Variants in BMP7 observed in about 807,000 individuals in gnomAD.
The protein encoded by BMP7 is bone morphogenetic protein 7, also known as osteogenic protein 1.
A neutral mutation model predicts 41.2 loss-of-function variants in BMP7; 12 were observed. The observed-to-expected ratio is 0.29, with a 90% CI of 0.19 to 0.47. The LOEUF (loss-of-function observed/expected upper bound fraction) is 0.47. BMP7 is among the 20% of genes least tolerant of loss of function. BMP7 has a pLI of 0.99. For synonymous variants in BMP7, 248 were observed against 250.0 expected, an observed-to-expected ratio of 0.99 and a Z score of 0.07; for missense variants, 467 against 606.0, an observed-to-expected ratio of 0.77 and a Z score of 2.41.
In BMP7 at chr20:57,254,097, A is replaced by C. The variant is rs140624188; in HGVS notation, c.418+11608T>G. On this transcript the variant is annotated intron_variant, in intron 1 of 6. Coordinates refer to ENST00000395863, the MANE Select transcript of BMP7 (RefSeq NM_001719.3). The stretch of plus-strand genomic sequence containing the variant: ...GAGTGCAGTGATGTGATCTCGGCTT[A>C]CTGCAACCTCTGCCTCCCGGGTTCA... 4.5e-3 allele frequency among the ~76,000 whole-genome samples: 562 copies of C among 125,376 alleles called. 2 individuals are homozygous for C. The highest frequency in any genetic ancestry group is 0.017 in the African/African-American group (534 of 31,894). The allele number at this position is 125,376 out of a possible 152,430, so 82.3% of individuals were successfully genotyped here.
At chr20:57,247,777 CAG>C (rs920400839) in intron 1 of BMP7, among the ~76,000 whole-genome samples, 1 of 152,136 alleles carries the variant, frequency 6.6e-6, no homozygotes, top group East Asian at 1.9e-4. Context: ...ATCCTCCACT[CAG>C]GGGAAACAGG....
chr20:57,170,867 C>T lies in BMP7; in HGVS notation c.*92G>A. The T allele has an allele frequency of 6.5e-7, 1 of 1,529,354 alleles. No homozygotes were observed. Among genetic ancestry groups the T allele is most frequent in the Non-Finnish European group, 8.9e-7 (1 of 1,122,458 alleles). The allele number at this position is 1,529,354 out of a possible 1,614,324, so 94.7% of individuals were successfully genotyped here. On this transcript the variant is annotated 3_prime_UTR_variant, in exon 7 of 7. Transcript: ENST00000395863. Reference sequence around the variant, plus strand: ...TGGGGATAGGGAGGGGAAGGTCTCACAAAAGGCAGTTGGTCTGCTGGTTCC... The same window carrying T: ...TGGGGATAGGGAGGGGAAGGTCTCATAAAAGGCAGTTGGTCTGCTGGTTCC...
At chr20:57,217,980 G>C (rs1985072506) in intron 2 of BMP7, among the ~76,000 whole-genome samples, 1 of 152,094 alleles carries the variant, frequency 6.6e-6, no homozygotes, top group Non-Finnish European at 1.5e-5. Flanking sequence ...ATGAGGCTGG[G>C]GCTGAAAGGT....
intron 3 of BMP7, among the ~76,000 whole-genome samples, chr20:57,201,712 T>A (rs1250766134): frequency 6.6e-6 from 1 of 152,236 alleles, no homozygotes; most frequent in Non-Finnish European, 1.5e-5. Context: ...CTGGAAACCA[T>A]CACCACTGAA....
intron 2 of BMP7, among the ~76,000 whole-genome samples, chr20:57,219,065 GGTGGTAGCTGGCGTTTGTTCA>G (rs1211485084): frequency 5.5e-5 from 8 of 145,210 alleles, no homozygotes; most frequent in Non-Finnish European, 1.2e-4. Context: ...GCATTTGTTT[GGTGGTAGCTGGCGTTTGTTCA>G]GTGGTAGCTG....
intron 1 of BMP7, among the ~76,000 whole-genome samples, chr20:57,236,011 G>A (rs1172729995): frequency 1.3e-5 from 2 of 152,118 alleles, no homozygotes; most frequent in Non-Finnish European, 2.9e-5. Flanking sequence ...TGCATACCCA[G>A]TACATGCACC....
At chr20:57,176,712 A>C (rs1983929149) in intron 4 of BMP7, among the ~76,000 whole-genome samples, 1 of 147,032 alleles carries the variant, frequency 6.8e-6, no homozygotes, top group African/African-American at 2.5e-5. Flanking sequence ...CTTCTAGCCC[A>C]CTTGTTAGGG....
chr20:57,186,496 T>G (rs1984214308), intron 3 of BMP7, among the ~76,000 whole-genome samples: 1 of 152,116 alleles, frequency 6.6e-6, no homozygotes, highest in Non-Finnish European at 1.5e-5. Context: ...AAGCATCCAG[T>G]GGAAACAAAG....
chr20:57,225,856 T>C (rs1472453668), intron 2 of BMP7: 2 of 471,294 alleles, frequency 4.2e-6, no homozygotes, highest in African/African-American at 4.0e-5. Flanking sequence ...TGCTCCCACC[T>C]GCCATGTCCT....
intron 1 of BMP7, among the ~76,000 whole-genome samples, chr20:57,241,955 G>A (rs112651922): frequency 3.3e-5 from 5 of 152,168 alleles, no homozygotes; most frequent in Admixed American, 6.5e-5. Flanking sequence ...CCAGATGCCC[G>A]TAGAGCTGAA....
At chr20:57,210,546 C>T (rs1365451373) in intron 2 of BMP7, among the ~76,000 whole-genome samples, 1 of 152,220 alleles carries the variant, frequency 6.6e-6, no homozygotes, top group Non-Finnish European at 1.5e-5. Context: ...ATGTGGGATG[C>T]AGGACCCGGC....
intron 1 of BMP7, among the ~76,000 whole-genome samples, chr20:57,263,247 A>G (rs572106338): frequency 2.0e-5 from 3 of 152,356 alleles, no homozygotes; most frequent in Admixed American, 1.3e-4. Flanking sequence ...GGTCCCACAA[A>G]GCCCAAAGCC....
chr20:57,211,908 T>G (rs1328671849), intron 2 of BMP7, among the ~76,000 whole-genome samples: 8 of 152,166 alleles, frequency 5.3e-5, no homozygotes. Flanking sequence ...AGAATAAATG[T>G]GTGTTGTCTT....
intron 2 of BMP7, among the ~76,000 whole-genome samples, chr20:57,218,292 A>G (rs1244889943): frequency 1.3e-5 from 2 of 152,260 alleles, no homozygotes; most frequent in Non-Finnish European, 2.9e-5. Flanking sequence ...GGGGTTAAAC[A>G]TGGGAACCTG....
At chr20:57,255,799 C>CAAAAAAA (rs3067106) in intron 1 of BMP7, among the ~76,000 whole-genome samples, 142 of 48,322 alleles carry the variant, frequency 2.9e-3, no homozygotes, top group Non-Finnish European at 3.2e-3. Flanking sequence ...GACTCCATCT[C>CAAAAAAA]AAAAAAAAAA....
intron 4 of BMP7, among the ~76,000 whole-genome samples, chr20:57,182,053 C>T (rs776315591): frequency 1.4e-4 from 21 of 152,294 alleles, no homozygotes; most frequent in Admixed American, 2.6e-4. Context: ...CCCTGGCCGG[C>T]GGGATGGGAT....
At chr20:57,181,667 C>T (rs1410005524) in intron 4 of BMP7, among the ~76,000 whole-genome samples, 1 of 152,206 alleles carries the variant, frequency 6.6e-6, no homozygotes, top group Admixed American at 6.5e-5. Flanking sequence ...CAGGTAAATG[C>T]AACTGGGGGC....
intron 2 of BMP7, among the ~76,000 whole-genome samples, chr20:57,217,152 C>T (rs1985050959): frequency 6.6e-6 from 1 of 152,134 alleles, no homozygotes; most frequent in Non-Finnish European, 1.5e-5. Flanking sequence ...AGCTCTCAAT[C>T]CCACTTGCAA....
chr20:57,190,888 C>A (rs1342783918), intron 3 of BMP7, among the ~76,000 whole-genome samples: 1 of 152,198 alleles, frequency 6.6e-6, no homozygotes, highest in Non-Finnish European at 1.5e-5. Context: ...CCTGCCCACT[C>A]CAGCGCAGTG....
Sources: gnomAD v4.1 joint callset for allele counts (sites outside exome capture counted in the v4.1 genomes callset) on GRCh38, gnomAD v4.1.1 for gene constraint, MANE v1.5 for transcripts, NCBI Gene and HGNC (gene_info 2026-07-23, HGNC 2026-07-21) for gene names.